The following DAPK1 variants were observed in gnomAD, a reference collection of about 807,000 sequenced individuals.
DAPK1 encodes death associated protein kinase 1.
In DAPK1, 56 loss-of-function variants were observed where a neutral mutation model predicts 144.9. The ratio of observed to expected loss-of-function variants is 0.39; its 90% CI spans 0.31 to 0.48. The LOEUF (loss-of-function observed/expected upper bound fraction) is 0.48, where lower values mean the gene tolerates loss of function less well. Among genes scored for constraint, DAPK1 ranks in the 20% least tolerant of loss-of-function variants. The pLI is 0.95. For missense variants in DAPK1, 1,454 were observed against 1,875.4 expected, an observed-to-expected ratio of 0.78 and a Z score of 4.15; for synonymous variants, 690 against 749.0, an observed-to-expected ratio of 0.92 and a Z score of 1.29.
chr9:87,624,124 C>T (rs551128833), intron 3 of DAPK1, among the ~76,000 whole-genome samples: 1 of 152,334 alleles, frequency 6.6e-6, no homozygotes, highest in African/African-American at 2.4e-5. Context: ...TAGGACAAGG[C>T]TCAGCAGGGA....
At position 87,642,913 on chromosome 9, in the gene DAPK1, G is replaced by C. The variant is rs557970880; in HGVS notation, c.919-463G>C. 5.3e-5 allele frequency among the ~76,000 whole-genome samples: 8 copies of C among 152,302 alleles called. No homozygotes were observed. The East Asian group carries it at 1.4e-3, about 26-fold the overall frequency. On this transcript the variant is annotated intron_variant, in intron 10 of 25. Transcript: ENST00000408954. ...CTATAGACTAAGAGGTCCCCCAGCT[G>C]TTCACTTCCAACAGCTGTTGCGTTT...
chr9:87,648,230 G>A (rs942030828), intron 14 of DAPK1, among the ~76,000 whole-genome samples: 3 of 152,162 alleles, frequency 2.0e-5, no homozygotes, highest in East Asian at 1.9e-4. Flanking sequence ...TCTGTGGGGT[G>A]GATAGAAGTA....
chr9:87,563,941 C>T (rs971824172), intron 2 of DAPK1, among the ~76,000 whole-genome samples: 1 of 152,210 alleles, frequency 6.6e-6, no homozygotes, highest in Non-Finnish European at 1.5e-5. Flanking sequence ...GTGACAGCCG[C>T]GTAGACCTTC....
intron 19 of DAPK1, among the ~76,000 whole-genome samples, chr9:87,674,692 G>T (rs891133722): frequency 6.6e-6 from 1 of 152,126 alleles, no homozygotes; most frequent in African/African-American, 2.4e-5. Context: ...CACCATCCGT[G>T]CAGTCTCACT....
rs374406913 is a variant in DAPK1, at chr9:87,703,095, A to C, written c.2938A>C (p.Asn980His). The C allele has an allele frequency of 1.9e-6, 3 of 1,599,998 alleles. No individual in the cohort carries two copies. The highest frequency in any genetic ancestry group is 2.6e-6 in the Non-Finnish European group (3 of 1,167,232). ...ISTLPSWRKLNGPNQLMSLQQ... is the reference protein window; with the variant it reads ...ISTLPSWRKLHGPNQLMSLQQ... ...CACGCTGCCTTCCTGGAGGAAGCTC[A>C]ATGGACCCAACCAGCTGATGTCGCT... is the stretch of plus-strand genomic sequence containing the variant. The change falls in exon 25 of 26, where the codon AAT (asparagine) becomes CAT (histidine). Residue 980 changes from asparagine to histidine, a missense_variant. Asn to His is a moderately conservative substitution (Grantham distance 68). Transcript: ENST00000408954.
chr9:87,633,899 A>C (rs1829796544), intron 3 of DAPK1, among the ~76,000 whole-genome samples: 1 of 152,168 alleles, frequency 6.6e-6, no homozygotes, highest in South Asian at 2.1e-4. Flanking sequence ...TTTATTAAGA[A>C]CTATACTTAG....
At chr9:87,604,335 C>T (rs1284569925) in intron 2 of DAPK1, among the ~76,000 whole-genome samples, 3 of 152,132 alleles carry the variant, frequency 2.0e-5, no homozygotes, top group Non-Finnish European at 4.4e-5. Context: ...GTGGAATCGG[C>T]TTCCCCAAAA....
At chr9:87,566,092 C>T (rs1827112015) in intron 2 of DAPK1, among the ~76,000 whole-genome samples, 1 of 148,268 alleles carries the variant, frequency 6.7e-6, no homozygotes, top group East Asian at 2.0e-4. Flanking sequence ...ACGATCTTGG[C>T]TCACTGCAAG....
At chr9:87,592,645 C>G (rs1828178902) in intron 2 of DAPK1, among the ~76,000 whole-genome samples, 1 of 152,186 alleles carries the variant, frequency 6.6e-6, no homozygotes, top group Admixed American at 6.5e-5. Context: ...TGGATACAGT[C>G]TTGCCCTGGC....
At chr9:87,638,105 A>T (rs1240739921) in intron 4 of DAPK1, 24 bp downstream of exon 4, 1 of 1,598,312 alleles carries the variant, frequency 6.3e-7, no homozygotes. Flanking sequence ...TGTAAGCCAG[A>T]TAGAAGCTTG....
At chr9:87,641,071 AGG>A (rs1259270167) in intron 9 of DAPK1, among the ~76,000 whole-genome samples, 1 of 152,318 alleles carries the variant, frequency 6.6e-6, no homozygotes, top group Non-Finnish European at 1.5e-5. Flanking sequence ...GAACTGAAGA[AGG>A]TCAAGCCCAC....
intron 2 of DAPK1, among the ~76,000 whole-genome samples, chr9:87,565,221 G>A (rs1392242680): frequency 6.6e-6 from 1 of 150,468 alleles, no homozygotes; most frequent in African/African-American, 2.5e-5. Context: ...ACAGTTGAGA[G>A]CATGAAAAAC....
intron 11 of DAPK1, among the ~76,000 whole-genome samples, chr9:87,644,761 G>A (rs1463600791): frequency 6.6e-6 from 1 of 152,108 alleles, no homozygotes; most frequent in Non-Finnish European, 1.5e-5. Flanking sequence ...GGTAGGAGAG[G>A]GACCAAGGGT....
chr9:87,645,769 G>T, intron 11 of DAPK1, 126 bp from the exon 12 acceptor site: 1 of 1,212,712 alleles, frequency 8.2e-7, no homozygotes, highest in East Asian at 2.4e-5. Context: ...TATGGATTTG[G>T]GGAGTAAATG....
At chr9:87,538,276 T>C (rs1023314077) in intron 2 of DAPK1, among the ~76,000 whole-genome samples, 10 of 152,098 alleles carry the variant, frequency 6.6e-5, no homozygotes, top group Non-Finnish European at 1.2e-4. Flanking sequence ...TCCCTTTAAT[T>C]ATCAAACTAA....
Position 87,621,352 on chromosome 9 carries a change from C to T in DAPK1, c.284+16177C>T, listed in dbSNP as rs191134314. ...CACCCACATCCCGTTTACAGCGACC[C>T]GGTTGTCAGGCTCGGCCATTGCACT... On this transcript the variant is annotated intron_variant, in intron 3 of 25. Transcript: ENST00000408954. Among the ~76,000 whole-genome samples the T allele has an allele frequency of 3.0e-4, 45 of 152,334 alleles. No individual in the cohort carries two copies. The East Asian group carries it at 3.3e-3, about 11-fold the overall frequency.
chr9:87,509,562 G>A (rs1563965300), intron 2 of DAPK1, among the ~76,000 whole-genome samples: 1 of 152,160 alleles, frequency 6.6e-6, no homozygotes, highest in African/African-American at 2.4e-5. Context: ...GTTTCTCCAT[G>A]TTGGTCAGGC....
At chr9:87,537,637 T>C (rs1280203244) in intron 2 of DAPK1, among the ~76,000 whole-genome samples, 1 of 152,096 alleles carries the variant, frequency 6.6e-6, no homozygotes, top group East Asian at 1.9e-4. Context: ...ATGTGGCATA[T>C]ATGATATGAT....
At chr9:87,575,845 A>T (rs1411112659) in intron 2 of DAPK1, among the ~76,000 whole-genome samples, 1 of 152,204 alleles carries the variant, frequency 6.6e-6, no homozygotes, top group Non-Finnish European at 1.5e-5. Context: ...AAACTCAAAC[A>T]AAACAACCCT....
Sources: gnomAD v4.1 joint callset for allele counts (sites outside exome capture counted in the v4.1 genomes callset) on GRCh38, gnomAD v4.1.1 for gene constraint, MANE v1.5 for transcripts, NCBI Gene and HGNC (gene_info 2026-07-23, HGNC 2026-07-21) for gene names.